Variants in PPP2CA observed in about 807,000 individuals in gnomAD.
PPP2CA encodes the protein protein phosphatase 2 catalytic subunit alpha.
PPP2CA carries 5 observed loss-of-function variants against 38.8 expected under a neutral mutation model. The ratio of observed to expected loss-of-function variants is 0.13; its 90% CI spans 0.07 to 0.27. PPP2CA has a LOEUF of 0.27. PPP2CA is among the 10% of genes least tolerant of loss of function. The pLI is 1.00. For synonymous variants in PPP2CA, 152 were observed against 134.0 expected (o/e 1.13, Z -0.93); for missense variants, 88 against 389.7 (o/e 0.23, Z 6.52).
chr5:134,199,365 C>T (rs1761923918), intron 5 of PPP2CA, 161 bp from the exon 6 acceptor site: 1 of 559,988 alleles, frequency 1.8e-6, no homozygotes, highest in Non-Finnish European at 3.2e-6. Flanking sequence ...ATCTCCTGTA[C>T]TTTATACAAC....
At chr5:134,224,252 C>T (rs1450823161) in intron 1 of PPP2CA, 1 of 453,726 alleles carries the variant, frequency 2.2e-6, no homozygotes, top group Non-Finnish European at 4.4e-6. Context: ...AAAATAAATA[C>T]CAACCTCATT....
intron 1 of PPP2CA, among the ~76,000 whole-genome samples, chr5:134,215,976 G>C (rs1762311584): frequency 6.6e-6 from 1 of 152,134 alleles, no homozygotes; most frequent in African/African-American, 2.4e-5. Flanking sequence ...TGGCTCTGAT[G>C]GACAACAGAG....
At chr5:134,219,204 C>T (rs867241775) in intron 1 of PPP2CA, among the ~76,000 whole-genome samples, 1 of 152,310 alleles carries the variant, frequency 6.6e-6, no homozygotes, top group South Asian at 2.1e-4. Flanking sequence ...TAATCCAAAA[C>T]TGTGCTATTA....
intron 1 of PPP2CA, among the ~76,000 whole-genome samples, chr5:134,211,727 T>G (rs530078118): frequency 6.6e-6 from 1 of 151,632 alleles, no homozygotes; most frequent in Admixed American, 6.6e-5. Context: ...TCCACCCGCC[T>G]TGGCCTCCCA....
intron 1 of PPP2CA, among the ~76,000 whole-genome samples, chr5:134,211,133 G>T (rs1241351637): frequency 6.6e-6 from 1 of 150,440 alleles, no homozygotes; most frequent in African/African-American, 2.5e-5. Flanking sequence ...TTGCTCTGTT[G>T]TCCAGGCTGC....
chr5:134,221,830 TGGTGGTG>T (rs1220033159), intron 1 of PPP2CA, among the ~76,000 whole-genome samples: 2 of 151,900 alleles, frequency 1.3e-5, no homozygotes, highest in African/African-American at 2.4e-5. Flanking sequence ...CAGCTGGGCA[TGGTGGTG>T]GGTACCTGTA....
chr5:134,225,435 G>C (rs1762550109), intron 1 of PPP2CA: 1 of 257,482 alleles, frequency 3.9e-6, no homozygotes, highest in African/African-American at 2.3e-5. Context: ...ATCCAAGCCA[G>C]CTCACCCTCA....
At chr5:134,209,345 C>T (rs1366742996) in intron 1 of PPP2CA, among the ~76,000 whole-genome samples, 1 of 152,066 alleles carries the variant, frequency 6.6e-6, no homozygotes, top group South Asian at 2.1e-4. Flanking sequence ...TTGGAAAGAA[C>T]CAGTTTTAAG....
At chr5:134,204,598 C>T (rs1297718050) in intron 2 of PPP2CA, among the ~76,000 whole-genome samples, 1 of 152,076 alleles carries the variant, frequency 6.6e-6, no homozygotes, top group East Asian at 1.9e-4. Context: ...GTAGCTGAGA[C>T]TACAAGCATG....
At chr5:134,206,896 C>T (rs1042371828) in intron 1 of PPP2CA, among the ~76,000 whole-genome samples, 2 of 152,126 alleles carry the variant, frequency 1.3e-5, no homozygotes, top group Admixed American at 1.3e-4. Flanking sequence ...TTCCCACTAC[C>T]GTAGAGGGGA....
chr5:134,197,822 G>C lies in PPP2CA; in HGVS notation c.880C>G (p.Arg294Gly), dbSNP rs1212656920. The C allele has an allele frequency of 6.2e-7, 1 of 1,613,872 alleles. No homozygotes were observed. The highest frequency in any genetic ancestry group is 8.5e-7 in the Non-Finnish European group (1 of 1,179,966). Residue 294 changes from arginine to glycine, a missense_variant, in exon 7 of 7, where the codon CGT becomes GGT. This residue lies in a region of PPP2CA where 36 missense variants were observed against 259.8 expected (regional missense o/e 0.14). Coordinates refer to ENST00000481195, the MANE Select transcript of PPP2CA (RefSeq NM_002715.4). ...CGAGTAACATGTGGCTCGCCTCTACGAGGTGCTGGGTCAAACTGCAAGCTG... is the reference window on the plus strand; with the variant it reads ...CGAGTAACATGTGGCTCGCCTCTACCAGGTGCTGGGTCAAACTGCAAGCTG... ...YSFLQFDPAP[R>G]RGEPHVTRRT...
Position 134,205,969 on chromosome 5 carries a change from T to C in PPP2CA, c.265A>G (p.Arg89Gly). The change falls in exon 2 of 7, where the codon AGA (arginine) becomes GGA (glycine). Residue 89 changes from arginine to glycine, a missense_variant. Arg to Gly is a moderately radical substitution (Grantham distance 125, BLOSUM62 -2). Transcript: ENST00000481195. ...NYLFMGDYVD[R>G]GYYSVETVTL... ...ACTGTTTCAACTGAATAATATCCTCTGTCAACATAATCTCCCATAAACAAG... is the reference window on the plus strand; with the variant it reads ...ACTGTTTCAACTGAATAATATCCTCCGTCAACATAATCTCCCATAAACAAG... 1 of 1,614,140 alleles carries C rather than the reference T, an allele frequency of 6.2e-7. No homozygotes were observed.
In PPP2CA at chr5:134,195,723, G is replaced by A. The variant is rs1761834892; in HGVS notation, c.*2049C>T. ...CATAGCCATTTTCAAAAGAAGGTAGGGTACTAACACTTTCCAGTTTAGATG... is the reference window on the plus strand; with the variant it reads ...CATAGCCATTTTCAAAAGAAGGTAGAGTACTAACACTTTCCAGTTTAGATG... On this transcript the variant is annotated 3_prime_UTR_variant, in exon 7 of 7. Transcript: ENST00000481195. The A allele has an allele frequency of 1.3e-5, 2 of 152,100 alleles. No homozygotes were observed. The highest frequency in any genetic ancestry group is 4.8e-5 in the African/African-American group (2 of 41,412). The allele number at this position is 152,100 out of a possible 1,614,324, so 9.4% of individuals were successfully genotyped here. A position where few individuals can be genotyped will look rare whatever the true frequency, so the allele number is the denominator to read the frequency against.
intron 1 of PPP2CA, among the ~76,000 whole-genome samples, chr5:134,214,280 T>C (rs1212453133): frequency 6.6e-6 from 1 of 152,244 alleles, no homozygotes; most frequent in African/African-American, 2.4e-5. Flanking sequence ...TTACTTATAA[T>C]TGACTGGCAT....
intron 1 of PPP2CA, among the ~76,000 whole-genome samples, chr5:134,210,261 A>G (rs1014530445): frequency 6.6e-6 from 1 of 152,234 alleles, no homozygotes; most frequent in Non-Finnish European, 1.5e-5. Context: ...AAAGATGGTT[A>G]TACAATCTCA....
rs368187580 is a variant in PPP2CA at position 134,222,062 on chromosome 5, T to C, written c.102+3698A>G. Among the ~76,000 whole-genome samples the C allele has an allele frequency of 7.3e-4, 111 of 151,356 alleles. 1 individual carries two copies. The highest frequency in any genetic ancestry group is 2.5e-3 in the African/African-American group (105 of 41,354). ...TACCTACATCTTTCACTACTAACAC[T>C]ACCTCTGAAAACAGAAGGGGATCTG... On this transcript the variant is annotated intron_variant, in intron 1 of 6. Coordinates refer to ENST00000481195, the MANE Select transcript of PPP2CA (RefSeq NM_002715.4).
rs148015801 is a variant in PPP2CA, at chr5:134,224,333, T to C, written c.102+1427A>G. 8.0e-3 allele frequency: 3,636 copies of C among 454,236 alleles called. 34 individuals are homozygous for C. The highest frequency in any genetic ancestry group is 0.012 in the South Asian group (753 of 63,952). The allele number at this position is 454,236 out of a possible 1,614,324, so 28.1% of individuals were successfully genotyped here. A position where few individuals can be genotyped will look rare whatever the true frequency, so the allele number is the denominator to read the frequency against. On this transcript the variant is annotated intron_variant, in intron 1 of 6. Coordinates refer to ENST00000481195, the MANE Select transcript of PPP2CA (RefSeq NM_002715.4). ...ATTAAAAGGCATCTCCAACAGATGATGTGCCACCTCATCCACTAGTAGTAG... is the reference window on the plus strand; with the variant it reads ...ATTAAAAGGCATCTCCAACAGATGACGTGCCACCTCATCCACTAGTAGTAG...
intron 1 of PPP2CA, among the ~76,000 whole-genome samples, chr5:134,208,118 A>G (rs919885506): frequency 1.3e-5 from 2 of 152,200 alleles, no homozygotes; most frequent in Non-Finnish European, 2.9e-5. Context: ...TTAAAAGGGC[A>G]TGACATAAGC....
chr5:134,205,285 T>A (rs909340792), intron 2 of PPP2CA, among the ~76,000 whole-genome samples: 1 of 152,092 alleles, frequency 6.6e-6, no homozygotes, highest in African/African-American at 2.4e-5. Context: ...TTATAATACT[T>A]CAAAAGTATC....
Sources: allele counts gnomAD v4.1 joint callset (sites outside exome capture counted in the v4.1 genomes callset), GRCh38; gene constraint gnomAD v4.1.1; regional missense constraint gnomAD v4.1.1; transcripts MANE v1.5; gene names NCBI Gene and HGNC (gene_info 2026-07-23, HGNC 2026-07-21).